Variants in CDH12 observed in about 807,000 individuals in gnomAD.
The protein encoded by CDH12 is cadherin-12.
In CDH12, 41 loss-of-function variants were observed where a neutral mutation model predicts 74.1. The observed-to-expected ratio is 0.55, with a 90% confidence interval of 0.43 to 0.72. CDH12 has a LOEUF of 0.72. Among genes scored for constraint, CDH12 ranks in the 30% least tolerant of loss-of-function variants. The probability of loss-of-function intolerance (pLI) is 0.00; values close to 1 mark genes in which losing one functional copy is unlikely to be tolerated. For synonymous variants in CDH12, 399 were observed against 355.0 expected, an observed-to-expected ratio of 1.12 and a Z score of -1.39; for missense variants, 945 against 977.2, an observed-to-expected ratio of 0.97 and a Z score of 0.44.
chr5:21,855,118 C>T (rs1750688166), intron 6 of CDH12, among the ~76,000 whole-genome samples: 1 of 151,698 alleles, frequency 6.6e-6, no homozygotes, highest in Non-Finnish European at 1.5e-5. Flanking sequence ...CATCTGCTTA[C>T]TATTGATGTT....
chr5:21,916,934 G>GAA (rs1754124776), intron 6 of CDH12, among the ~76,000 whole-genome samples: 1 of 152,122 alleles, frequency 6.6e-6, no homozygotes, highest in Non-Finnish European at 1.5e-5. Context: ...AAAATCTCTT[G>GAA]AAAACAGCTG....
chr5:21,904,728 A>T (rs1753558288), intron 6 of CDH12, among the ~76,000 whole-genome samples: 1 of 152,176 alleles, frequency 6.6e-6, no homozygotes. Flanking sequence ...GCAATGAGTT[A>T]TGATTGCACC....
At chr5:22,253,400 T>C (rs1351681388) in intron 3 of CDH12, among the ~76,000 whole-genome samples, 1 of 151,862 alleles carries the variant, frequency 6.6e-6, no homozygotes, top group Non-Finnish European at 1.5e-5. Flanking sequence ...TATGCTAAAA[T>C]TAGGAAATTT....
intron 1 of CDH12, among the ~76,000 whole-genome samples, chr5:22,584,292 G>T (rs1253500412): frequency 6.6e-6 from 1 of 152,012 alleles, no homozygotes; most frequent in Non-Finnish European, 1.5e-5. Flanking sequence ...CAGAGACGGG[G>T]TTTCACCATG....
At chr5:22,695,246 T>G (rs1742303001) in intron 1 of CDH12, among the ~76,000 whole-genome samples, 3 of 152,290 alleles carry the variant, frequency 2.0e-5, no homozygotes, top group South Asian at 4.1e-4. Flanking sequence ...ATTATATCAT[T>G]AATGGTCATT....
intron 2 of CDH12, among the ~76,000 whole-genome samples, chr5:22,480,674 A>G (rs1178221846): frequency 6.6e-6 from 1 of 152,146 alleles, no homozygotes; most frequent in Middle Eastern, 3.2e-3. Context: ...TAACCCTAAC[A>G]GAAGTGCATG....
At chr5:21,991,645 G>C (rs748682615) in intron 5 of CDH12, among the ~76,000 whole-genome samples, 7 of 149,500 alleles carry the variant, frequency 4.7e-5, no homozygotes, top group Non-Finnish European at 7.4e-5. Context: ...TATTTTCAAG[G>C]GTGGTTTGAA....
At chr5:22,703,970 A>G (rs1233757707) in intron 1 of CDH12, among the ~76,000 whole-genome samples, 2 of 152,148 alleles carry the variant, frequency 1.3e-5, no homozygotes, top group African/African-American at 4.8e-5. Flanking sequence ...TGTGCCATGT[A>G]AAACAACCTC....
intron 3 of CDH12, among the ~76,000 whole-genome samples, chr5:22,326,612 T>A (rs1273239525): frequency 6.6e-6 from 1 of 152,080 alleles, no homozygotes; most frequent in Non-Finnish European, 1.5e-5. Flanking sequence ...ACACATCACA[T>A]CAAATATATG....
chr5:22,556,731 G>T (rs1738818907), intron 1 of CDH12, among the ~76,000 whole-genome samples: 1 of 151,986 alleles, frequency 6.6e-6, no homozygotes, highest in East Asian at 1.9e-4. Context: ...GTTTCATCTT[G>T]ACCATAGGTC....
At chr5:22,669,477 C>T (rs186260967) in intron 1 of CDH12, among the ~76,000 whole-genome samples, 4 of 152,188 alleles carry the variant, frequency 2.6e-5, no homozygotes, top group African/African-American at 4.8e-5. Context: ...GAAGGACAGG[C>T]GTGGTAACAT....
At chr5:22,774,889 A>G (rs1747006055) in intron 1 of CDH12, among the ~76,000 whole-genome samples, 1 of 152,104 alleles carries the variant, frequency 6.6e-6, no homozygotes, top group African/African-American at 2.4e-5. Context: ...TTCTATGCTC[A>G]CTACCTGGGT....
At chr5:22,530,127 A>T (rs138654606) in intron 1 of CDH12, among the ~76,000 whole-genome samples, 1 of 152,198 alleles carries the variant, frequency 6.6e-6, no homozygotes, top group Non-Finnish European at 1.5e-5. Context: ...AATTTTAAGT[A>T]AAATTCAAAC....
intron 5 of CDH12, among the ~76,000 whole-genome samples, chr5:22,073,031 G>C (rs1742064457): frequency 6.6e-6 from 1 of 152,042 alleles, no homozygotes; most frequent in South Asian, 2.1e-4. Context: ...TTCTTTTGCA[G>C]ATATGTAAGT....
intron 1 of CDH12, among the ~76,000 whole-genome samples, chr5:22,545,454 T>C (rs1738274543): frequency 1.3e-5 from 2 of 152,180 alleles, no homozygotes; most frequent in Admixed American, 6.5e-5. Context: ...TATAGACAGA[T>C]ACAACTGCTC....
intron 1 of CDH12, among the ~76,000 whole-genome samples, chr5:22,715,815 G>GA (rs975305802): frequency 1.3e-5 from 1 of 75,896 alleles, no homozygotes; most frequent in Non-Finnish European, 3.2e-5. Flanking sequence ...AAAAAAAAAA[G>GA]AAAAAAAAGA....
intron 1 of CDH12, among the ~76,000 whole-genome samples, chr5:22,632,704 G>T (rs1365568693): frequency 6.6e-6 from 1 of 151,926 alleles, no homozygotes; most frequent in African/African-American, 2.4e-5. Context: ...ACTAACAAAC[G>T]CATAATAGGA....
chr5:22,156,671 T>C (rs1209382872), intron 4 of CDH12, among the ~76,000 whole-genome samples: 2 of 152,100 alleles, frequency 1.3e-5, no homozygotes, highest in African/African-American at 4.8e-5. Flanking sequence ...AAATTTGAAA[T>C]CATTTTAAAA....
intron 1 of CDH12, among the ~76,000 whole-genome samples, chr5:22,843,684 G>C (rs1209539003): frequency 6.6e-6 from 1 of 151,218 alleles, no homozygotes; most frequent in Admixed American, 6.6e-5. Context: ...AAATGTGAAG[G>C]CACTGCAAAA....
Sources: allele counts gnomAD v4.1 joint callset (sites outside exome capture counted in the v4.1 genomes callset), GRCh38; gene constraint gnomAD v4.1.1; transcripts MANE v1.5; gene names NCBI Gene and HGNC (gene_info 2026-07-23, HGNC 2026-07-21).